The following GLG1 variants were observed in gnomAD, a reference collection of about 807,000 sequenced individuals.
The protein encoded by GLG1 is golgi glycoprotein 1.
A neutral mutation model predicts 160.5 loss-of-function variants in GLG1; 38 were observed. That is an observed-to-expected ratio of 0.24 (90% CI 0.18 to 0.31). GLG1 has a LOEUF of 0.31. GLG1 is among the 10% of genes least tolerant of loss of function. The probability of loss-of-function intolerance (pLI) is 1.00; values close to 1 mark genes in which losing one functional copy is unlikely to be tolerated. For missense variants in GLG1, 1,373 were observed against 1,505.2 expected (o/e 0.91, Z 1.45); for synonymous variants, 644 against 543.4 (o/e 1.19, Z -2.57).
At chr16:74,575,785 C>A (rs1402423230) in intron 1 of GLG1, among the ~76,000 whole-genome samples, 1 of 152,132 alleles carries the variant, frequency 6.6e-6, no homozygotes, top group Non-Finnish European at 1.5e-5. Context: ...ATATTGATTT[C>A]ATAGAGAAGT....
chr16:74,493,793 T>C (rs952435034), intron 6 of GLG1, among the ~76,000 whole-genome samples: 5 of 152,204 alleles, frequency 3.3e-5, no homozygotes, highest in African/African-American at 1.2e-4. Context: ...GAAAGCACAT[T>C]GATTTGGTTA....
rs142864790 is a variant in GLG1, at chr16:74,461,099, G to C, written c.3036+995C>G. ...CATATGTTGAACACGCTCTCCACAA[G>C]GCCTTTTCTAGCTAAGAAGTCCAAT... On this transcript the variant is annotated intron_variant, in intron 22 of 25. Coordinates refer to ENST00000422840, the MANE Select transcript of GLG1 (RefSeq NM_001145667.2). Among the ~76,000 whole-genome samples the C allele has an allele frequency of 4.0e-3, 604 of 152,090 alleles. 5 individuals carry two copies. Among genetic ancestry groups the C allele is most frequent in the Non-Finnish European group, 4.5e-3 (308 of 68,004 alleles).
At chr16:74,496,731 CA>C (rs1374575921) in intron 4 of GLG1, 87 bp from the exon 5 acceptor site, 4 of 756,860 alleles carry the variant, frequency 5.3e-6, no homozygotes, top group Middle Eastern at 2.4e-4. Context: ...CACACACACA[CA>C]CACACACACA....
At chr16:74,583,368 C>T in intron 1 of GLG1, among the ~76,000 whole-genome samples, 1 of 152,110 alleles carries the variant, frequency 6.6e-6, no homozygotes, top group African/African-American at 2.4e-5. Context: ...GGTAGTGTAA[C>T]AGTTAAACTT....
rs1381188429 is a variant in GLG1 at position 74,463,574 on chromosome 16, G to GT, written c.2668-96dup. 6 of 1,248,378 alleles carry GT rather than the reference G, an allele frequency of 4.8e-6. 1 individual carries two copies. The South Asian group carries it at 5.4e-5, about 11-fold the overall frequency. The allele number at this position is 1,248,378 out of a possible 1,614,324, so 77.3% of individuals were successfully genotyped here. On this transcript the variant is annotated intron_variant, in intron 19 of 25. Transcript: ENST00000422840. ...TTTTTTCTGGAGACGGAGTCTCACC[G>GT]TGTCACCCAGGCTGGAGTGCAGTGG... is the stretch of plus-strand genomic sequence containing the variant.
chr16:74,465,058 C>T (rs1437313444), intron 19 of GLG1, among the ~76,000 whole-genome samples: 1 of 151,938 alleles, frequency 6.6e-6, no homozygotes, highest in Non-Finnish European at 1.5e-5. Flanking sequence ...AGGCTGGTCT[C>T]GAACTCCTGA....
intron 1 of GLG1, among the ~76,000 whole-genome samples, chr16:74,565,220 T>C (rs1031346421): frequency 1.3e-5 from 2 of 151,988 alleles, no homozygotes; most frequent in African/African-American, 4.8e-5. Flanking sequence ...TCCCAGGTAC[T>C]TGGGAGGCTG....
At position 74,606,843 on chromosome 16, in the gene GLG1, C is replaced by CTGCTGT. The variant is rs751709421; in HGVS notation, c.246_251dup (p.Gln83_Gln84dup). 43 of 1,598,956 alleles carry CTGCTGT rather than the reference C, an allele frequency of 2.7e-5. No individual in the cohort carries two copies. Among genetic ancestry groups the CTGCTGT allele is most frequent in the Middle Eastern group, 3.4e-4 (2 of 5,848 alleles). ...GGAAAGGCGGCTGCGGCGGCTGAGG[C>CTGCTGT]TGCTGTTGCTGTTGCTGCTGCTGCT... is the stretch of plus-strand genomic sequence containing the variant. On this transcript the variant is annotated inframe_insertion, in exon 1 of 26. Coordinates refer to ENST00000422840, the MANE Select transcript of GLG1 (RefSeq NM_001145667.2).
At chr16:74,572,062 C>G (rs2018843075) in intron 1 of GLG1, among the ~76,000 whole-genome samples, 2 of 151,896 alleles carry the variant, frequency 1.3e-5, no homozygotes, top group African/African-American at 2.4e-5. Context: ...GCTTAAAAAG[C>G]TAATTTAGGA....
At chr16:74,557,012 G>T (rs1042955212) in intron 1 of GLG1, among the ~76,000 whole-genome samples, 1 of 151,976 alleles carries the variant, frequency 6.6e-6, no homozygotes, top group Admixed American at 6.6e-5. Flanking sequence ...AATTTGGCAG[G>T]AGGAAGATTT....
intron 2 of GLG1, among the ~76,000 whole-genome samples, chr16:74,515,631 A>G (rs1254109514): frequency 6.6e-6 from 1 of 151,804 alleles, no homozygotes; most frequent in African/African-American, 2.4e-5. Context: ...GCAGCACACC[A>G]ACATGGCACA....
At chr16:74,468,259 CAG>C (rs2015073840) in intron 17 of GLG1, 1 of 93,678 alleles carries the variant, frequency 1.1e-5, no homozygotes, top group Admixed American at 1.6e-4. Flanking sequence ...TTTTTGGAGA[CAG>C]AGTCTTGCTC....
At chr16:74,505,637 C>T (rs895992998) in intron 3 of GLG1, among the ~76,000 whole-genome samples, 16 of 151,724 alleles carry the variant, frequency 1.1e-4, no homozygotes, top group African/African-American at 3.9e-4. Flanking sequence ...GGTGGACTGC[C>T]GGAGCTCAGG....
intron 1 of GLG1, among the ~76,000 whole-genome samples, chr16:74,557,261 G>A (rs1226096137): frequency 6.6e-6 from 1 of 152,138 alleles, no homozygotes; most frequent in East Asian, 1.9e-4. Flanking sequence ...TTTGACTTTT[G>A]TAGATCTTTA....
At chr16:74,534,700 C>G (rs1456464194) in intron 1 of GLG1, among the ~76,000 whole-genome samples, 1 of 151,892 alleles carries the variant, frequency 6.6e-6, no homozygotes, top group Non-Finnish European at 1.5e-5. Flanking sequence ...CATCCAGATC[C>G]TCTGTTTTGT....
At chr16:74,543,360 G>T (rs1193283586) in intron 1 of GLG1, among the ~76,000 whole-genome samples, 8 of 152,220 alleles carry the variant, frequency 5.3e-5, no homozygotes, top group Admixed American at 5.2e-4. Context: ...TCAGCTACTT[G>T]GGAGGCTGAG....
At chr16:74,588,615 C>T (rs1444501171) in intron 1 of GLG1, among the ~76,000 whole-genome samples, 3 of 152,082 alleles carry the variant, frequency 2.0e-5, no homozygotes, top group African/African-American at 2.4e-5. Flanking sequence ...GATGAGGTTT[C>T]GCCATGTTGC....
intron 1 of GLG1, among the ~76,000 whole-genome samples, chr16:74,578,132 G>C (rs8056718): frequency 0.71 from 107,957 of 152,128 alleles, 38,941 homozygotes; most frequent in African/African-American, 0.83. Flanking sequence ...TGTTTAATTA[G>C]ACCTAAGTTG....
Position 74,451,984 on chromosome 16 carries a change from C to T in GLG1, c.*1183G>A. On this transcript the variant is annotated 3_prime_UTR_variant, in exon 26 of 26. Transcript: ENST00000422840. ...AATCCTCCATCTTTTAATGTGATAA[C>T]TTTCCACACCCTCTCCACGTAGAGG... The T allele has an allele frequency of 2.7e-6, 3 of 1,125,082 alleles. No individual in the cohort carries two copies. Among genetic ancestry groups the T allele is most frequent in the Non-Finnish European group, 4.1e-6 (3 of 737,814 alleles). 69.7% of individuals were successfully genotyped at this position (1,125,082 alleles called of 1,614,324 possible).
Sources: gnomAD v4.1 joint callset for allele counts (sites outside exome capture counted in the v4.1 genomes callset) on GRCh38, gnomAD v4.1.1 for gene constraint, MANE v1.5 for transcripts, NCBI Gene and HGNC (gene_info 2026-07-23, HGNC 2026-07-21) for gene names.